The following DSCAM variants were observed in gnomAD, a reference collection of about 807,000 sequenced individuals.
DSCAM encodes cell adhesion molecule DSCAM.
DSCAM carries 47 observed loss-of-function variants against 217.7 expected under a neutral mutation model. The observed-to-expected ratio is 0.22, with a 90% CI of 0.17 to 0.28. The LOEUF is 0.28. Ranked by LOEUF, DSCAM falls within the 10% of genes least tolerant of loss-of-function variation. The pLI is 1.00. For synonymous variants in DSCAM, 1,056 were observed against 1,015.3 expected, an observed-to-expected ratio of 1.04 and a Z score of -0.76; for missense variants, 2,080 against 2,618.3, an observed-to-expected ratio of 0.79 and a Z score of 4.49.
intron 1 of DSCAM, among the ~76,000 whole-genome samples, chr21:40,811,825 C>A (rs1023026439): frequency 2.0e-5 from 3 of 152,174 alleles, no homozygotes; most frequent in Non-Finnish European, 2.9e-5. Flanking sequence ...CGTTGAAGAC[C>A]TATGGGGTCC....
intron 5 of DSCAM, among the ~76,000 whole-genome samples, chr21:40,349,666 A>G (rs771198945): frequency 6.6e-6 from 1 of 152,192 alleles, no homozygotes; most frequent in Non-Finnish European, 1.5e-5. Context: ...AGTTATTGAG[A>G]GCGCTTAAAT....
intron 10 of DSCAM, among the ~76,000 whole-genome samples, chr21:40,285,128 AATTCAGCACTCGTCAAGGGGTCATGTGAT>A (rs1381554184): frequency 6.6e-6 from 1 of 152,154 alleles, no homozygotes; most frequent in Non-Finnish European, 1.5e-5. Context: ...AACTGAACAC[AATTCAGCACTCGTCAAGGGGTCATGTGAT>A]ATTGGAAGTG....
chr21:40,127,851 C>T (rs193026265), intron 19 of DSCAM, among the ~76,000 whole-genome samples: 1 of 152,150 alleles, frequency 6.6e-6, no homozygotes, highest in African/African-American at 2.4e-5. Flanking sequence ...TCTGATGGTG[C>T]TCCCCAACAC....
intron 8 of DSCAM, among the ~76,000 whole-genome samples, chr21:40,334,730 CTCA>C (rs2074412232): frequency 6.6e-6 from 1 of 151,872 alleles, no homozygotes; most frequent in Non-Finnish European, 1.5e-5. Flanking sequence ...CAACCACAAC[CTCA>C]AACTACTAGA....
At chr21:40,188,070 C>T (rs1015322232) in intron 12 of DSCAM, 83 bp from the exon 13 acceptor site, 1 of 994,556 alleles carries the variant, frequency 1.0e-6, no homozygotes, top group Non-Finnish European at 1.5e-6. Flanking sequence ...TCCACTCTTT[C>T]AGTTCTCCTG....
At chr21:40,272,571 T>C (rs192767379) in intron 11 of DSCAM, among the ~76,000 whole-genome samples, 51 of 152,314 alleles carry the variant, frequency 3.3e-4, no homozygotes, top group Non-Finnish European at 3.8e-4. Context: ...AAATTTCCCA[T>C]ATAGGAGAAA....
chr21:40,636,236 C>T (rs987910353), intron 3 of DSCAM, among the ~76,000 whole-genome samples: 4 of 151,924 alleles, frequency 2.6e-5, no homozygotes, highest in Admixed American at 1.3e-4. Flanking sequence ...ACGTGGTTCA[C>T]GGAGCCAAGA....
intron 22 of DSCAM, among the ~76,000 whole-genome samples, chr21:40,086,551 T>C (rs115494761): frequency 0.017 from 2,650 of 152,296 alleles, 76 homozygotes; most frequent in African/African-American, 0.06. Context: ...ATTTCTATGC[T>C]CATAAATGAA....
intron 3 of DSCAM, among the ~76,000 whole-genome samples, chr21:40,550,274 T>C (rs1320138217): frequency 6.6e-6 from 1 of 152,148 alleles, no homozygotes; most frequent in African/African-American, 2.4e-5. Flanking sequence ...CCTGTAATCC[T>C]AGCACTTTGG....
intron 26 of DSCAM, among the ~76,000 whole-genome samples, chr21:40,075,664 G>C (rs981980051): frequency 8.5e-5 from 13 of 152,212 alleles, no homozygotes; most frequent in Non-Finnish European, 1.3e-4. Context: ...AGATACACTG[G>C]CATAAAGAAA....
At chr21:40,265,605 A>T (rs1256169178) in intron 11 of DSCAM, among the ~76,000 whole-genome samples, 1 of 152,222 alleles carries the variant, frequency 6.6e-6, no homozygotes, top group African/African-American at 2.4e-5. Flanking sequence ...CTACAAGGCT[A>T]TAGTAATTAA....
At chr21:40,381,964 G>A in intron 3 of DSCAM, among the ~76,000 whole-genome samples, 1 of 152,190 alleles carries the variant, frequency 6.6e-6, no homozygotes, top group Non-Finnish European at 1.5e-5. Context: ...GTGTATTTAT[G>A]TGTATGCATT....
chr21:40,150,016 C>G (rs932748218), intron 16 of DSCAM, among the ~76,000 whole-genome samples: 3 of 152,244 alleles, frequency 2.0e-5, no homozygotes, highest in Non-Finnish European at 4.4e-5. Context: ...ACTACTACCT[C>G]TACCACCTCC....
In DSCAM at chr21:40,276,226, T is replaced by C. The variant is rs758325104; in HGVS notation, c.2227A>G (p.Ile743Val). Reference sequence around the variant, plus strand: ...AACGACCCATTGCTGAGAACTTGGATTCGGCCATTTAGGGCAATTGGCTGG... The same window carrying C: ...AACGACCCATTGCTGAGAACTTGGACTCGGCCATTTAGGGCAATTGGCTGG... Reference protein sequence around the residue: ...QFQPIALNGRIQVLSNGSLLI... With the variant: ...QFQPIALNGRVQVLSNGSLLI... Residue 743 changes from isoleucine (I) to valine (V), a missense_variant, in exon 11 of 33, where the codon ATC becomes GTC. Transcript: ENST00000400454. 52 of 1,612,190 alleles carry C rather than the reference T, an allele frequency of 3.2e-5. No individual in the cohort carries two copies. The highest frequency in any genetic ancestry group is 3.9e-5 in the Non-Finnish European group (46 of 1,179,330).
At chr21:40,755,006 G>A (rs974154673) in intron 1 of DSCAM, among the ~76,000 whole-genome samples, 1 of 152,200 alleles carries the variant, frequency 6.6e-6, no homozygotes, top group Admixed American at 6.5e-5. Flanking sequence ...AACAAAGCTT[G>A]GAGGTCTAAT....
chr21:40,199,038 G>A (rs1251708037), intron 11 of DSCAM, among the ~76,000 whole-genome samples: 1 of 152,132 alleles, frequency 6.6e-6, no homozygotes, highest in Non-Finnish European at 1.5e-5. Flanking sequence ...AAGAGCTGAG[G>A]AGAGGGCAGT....
chr21:40,767,229 GAGTA>G (rs753781319), intron 1 of DSCAM, among the ~76,000 whole-genome samples: 2 of 152,156 alleles, frequency 1.3e-5, no homozygotes, highest in East Asian at 1.9e-4. Flanking sequence ...TTTCCTACTA[GAGTA>G]AGTAAGCAGG....
intron 2 of DSCAM, among the ~76,000 whole-genome samples, chr21:40,702,656 C>T (rs946281752): frequency 1.6e-4 from 24 of 148,024 alleles, no homozygotes; most frequent in African/African-American, 4.7e-4. Context: ...TATCATTTTG[C>T]TATTTGATAT....
intron 3 of DSCAM, among the ~76,000 whole-genome samples, chr21:40,430,497 C>T (rs972250283): frequency 2.6e-5 from 4 of 152,218 alleles, no homozygotes; most frequent in Admixed American, 6.5e-5. Context: ...TTCCTGCTCT[C>T]GAACATTAGA....
Sources: allele counts gnomAD v4.1 joint callset (sites outside exome capture counted in the v4.1 genomes callset), GRCh38; gene constraint gnomAD v4.1.1; transcripts MANE v1.5; gene names NCBI Gene and HGNC (gene_info 2026-07-23, HGNC 2026-07-21).